AFF3: variants seen among roughly 807,000 people sequenced by gnomAD.
AFF3 encodes the protein AF4/FMR2 family member 3.
A neutral mutation model predicts 129.7 loss-of-function variants in AFF3; 32 were observed. That is an observed-to-expected ratio of 0.25 (90% CI 0.19 to 0.33). The LOEUF (loss-of-function observed/expected upper bound fraction) is 0.33. AFF3 is among the 10% of genes least tolerant of loss of function. AFF3 has a pLI of 1.00. For missense variants in AFF3, 1,373 were observed against 1,592.0 expected (o/e 0.86, Z 2.34); for synonymous variants, 644 against 635.4 (o/e 1.01, Z -0.20).
chr2:99,581,300 T>C (rs576591405), intron 17 of AFF3, among the ~76,000 whole-genome samples: 1 of 151,884 alleles, frequency 6.6e-6, no homozygotes, highest in East Asian at 1.9e-4. Flanking sequence ...TTTTGTTCCA[T>C]GTTTTTCTAA....
intron 2 of AFF3, among the ~76,000 whole-genome samples, chr2:100,108,908 CTTTT>C (rs34769933): frequency 7.7e-4 from 68 of 88,086 alleles, no homozygotes; most frequent in African/African-American, 1.1e-3. Flanking sequence ...CATTTCTTTC[CTTTT>C]TTTTTTTTTT....
intron 20 of AFF3, 94 bp downstream of exon 20, chr2:99,565,393 G>A: frequency 6.6e-7 from 1 of 1,509,840 alleles, no homozygotes; most frequent in Non-Finnish European, 9.0e-7. Flanking sequence ...CCTGGTGGGG[G>A]ATGGTGCAGG....
intron 4 of AFF3, among the ~76,000 whole-genome samples, chr2:100,079,175 T>C (rs1688841186): frequency 6.6e-6 from 1 of 152,124 alleles, no homozygotes; most frequent in Non-Finnish European, 1.5e-5. Flanking sequence ...CTTGATCTCC[T>C]GACCTCGTGA....
At chr2:99,615,388 C>G (rs1177849727) in intron 13 of AFF3, among the ~76,000 whole-genome samples, 1 of 152,252 alleles carries the variant, frequency 6.6e-6, no homozygotes, top group Non-Finnish European at 1.5e-5. Context: ...GAGACTGTGA[C>G]AAGCGGCAGC....
intron 11 of AFF3, among the ~76,000 whole-genome samples, chr2:99,687,411 C>G (rs1225926035): frequency 6.6e-6 from 1 of 152,058 alleles, no homozygotes; most frequent in African/African-American, 2.4e-5. Flanking sequence ...GAAGGAGGAC[C>G]AGTTTTATCA....
intron 7 of AFF3, among the ~76,000 whole-genome samples, chr2:99,843,218 G>A (rs1689453024): frequency 6.6e-6 from 1 of 152,196 alleles, no homozygotes; most frequent in Non-Finnish European, 1.5e-5. Flanking sequence ...CTACAACTGT[G>A]TCTCCTGCCT....
At position 99,662,701 on chromosome 2, in the gene AFF3, C is replaced by T. The variant is rs142155316; in HGVS notation, c.1143+9837G>A. ...ATAACATTGACAATACAGTTCATTT[C>T]TAATGTAGGAGAAACTTCATTTTGG... On this transcript the variant is annotated intron_variant, in intron 12 of 24. Transcript: ENST00000672756. 1.2e-3 allele frequency among the ~76,000 whole-genome samples: 182 copies of T among 152,296 alleles called. 1 individual carries two copies. The East Asian group carries it at 0.012, about 10-fold the overall frequency.
At chr2:100,025,560 T>C (rs923732146) in intron 4 of AFF3, among the ~76,000 whole-genome samples, 8 of 152,110 alleles carry the variant, frequency 5.3e-5, no homozygotes, top group African/African-American at 1.9e-4. Context: ...CTAAAATTCA[T>C]ATGGAACCAA....
chr2:99,611,774 C>G (rs535996392), intron 13 of AFF3, among the ~76,000 whole-genome samples: 1 of 151,974 alleles, frequency 6.6e-6, no homozygotes, highest in Non-Finnish European at 1.5e-5. Context: ...GTAATCCCAG[C>G]TACTTGGAAG....
rs144981625 is a variant in AFF3, at chr2:99,616,630, C to T, written c.1185-15009G>A. Among the ~76,000 whole-genome samples the T allele has an allele frequency of 2.9e-3, 442 of 152,134 alleles. 5 individuals carry two copies. The highest frequency in any genetic ancestry group is 0.01 in the African/African-American group (423 of 41,488). ...AATTAGCTGGGTGTGGTGGTGTGCA[C>T]CTGTAGTCCCAGCTACTCGGGAGGC... On this transcript the variant is annotated intron_variant, in intron 13 of 24. Transcript: ENST00000672756.
In AFF3 at chr2:99,847,872, C is replaced by A. The variant is rs111543718; in HGVS notation, c.874-10348G>T. ...CATTCTAAAGCCTCTGGGTGGGACCCAAGGTGAAGACAATCTCTCTGTATC... is the reference window on the plus strand; with the variant it reads ...CATTCTAAAGCCTCTGGGTGGGACCAAAGGTGAAGACAATCTCTCTGTATC... On this transcript the variant is annotated intron_variant, in intron 7 of 24. Transcript: ENST00000672756. 6.0e-3 allele frequency among the ~76,000 whole-genome samples: 906 copies of A among 152,212 alleles called. 10 individuals carry two copies. Among genetic ancestry groups the A allele is most frequent in the African/African-American group, 0.021 (869 of 41,544 alleles).
intron 7 of AFF3, among the ~76,000 whole-genome samples, chr2:99,896,886 C>T (rs572515101): frequency 7.2e-5 from 11 of 152,076 alleles, no homozygotes; most frequent in Admixed American, 2.6e-4. Flanking sequence ...CTGCCCGCCT[C>T]GGCCTCCCAA....
At chr2:99,601,403 C>A in intron 14 of AFF3, 32 bp downstream of exon 14, 1 of 1,554,196 alleles carries the variant, frequency 6.4e-7, no homozygotes. Flanking sequence ...CAGAAGTGGG[C>A]AGAGGAGAGG....
At chr2:100,136,266 C>G (rs1692638447) in intron 1 of AFF3, among the ~76,000 whole-genome samples, 1 of 152,080 alleles carries the variant, frequency 6.6e-6, no homozygotes, top group Non-Finnish European at 1.5e-5. Flanking sequence ...GGAGCGAATG[C>G]AGATAAAGCA....
intron 19 of AFF3, among the ~76,000 whole-genome samples, chr2:99,567,133 C>A (rs977974634): frequency 3.3e-5 from 4 of 120,982 alleles, no homozygotes; most frequent in African/African-American, 1.2e-4. Flanking sequence ...ACACCTGGCT[C>A]ATTTTTTTTT....
At position 100,007,352 on chromosome 2, in the gene AFF3, C is replaced by A; in HGVS notation, c.283G>T (p.Val95Phe). Residue 95 changes from valine (V) to phenylalanine (F), a missense_variant, in exon 6 of 25, where the codon GTT (valine) becomes TTT (phenylalanine). Val to Phe is a conservative substitution (Grantham distance 50, BLOSUM62 -1). This residue lies in a region of AFF3 where 255 missense variants were observed against 256.0 expected (regional missense o/e 1.00). Coordinates refer to ENST00000672756, the MANE Select transcript of AFF3 (RefSeq NM_001386135.1). ...GTCTGAGGAACCCCAGGTTTGGGAA[C>A]TCCAACGAGATGACTCTGATTGGAT... ...DRSNQSHLVG[V>F]PKPGVPQTPV... 6.2e-7 allele frequency: 1 copy of A among 1,614,156 alleles called. No homozygotes were observed. Among genetic ancestry groups the A allele is most frequent in the Non-Finnish European group, 8.5e-7 (1 of 1,180,002 alleles).
At chr2:99,830,337 C>T (rs1350294345) in intron 8 of AFF3, among the ~76,000 whole-genome samples, 1 of 152,152 alleles carries the variant, frequency 6.6e-6, no homozygotes, top group Admixed American at 6.5e-5. Flanking sequence ...AAGATAATTA[C>T]TTACACCATT....
At chr2:99,628,373 G>A (rs76356472) in intron 13 of AFF3, among the ~76,000 whole-genome samples, 9,247 of 151,988 alleles carry the variant, frequency 0.061, 939 homozygotes, top group African/African-American at 0.21. Flanking sequence ...TATTGTTGGT[G>A]TATAGGAATA....
At chr2:99,552,925 G>T (rs1018719151) in intron 24 of AFF3, among the ~76,000 whole-genome samples, 33 of 152,068 alleles carry the variant, frequency 2.2e-4, no homozygotes, top group Admixed American at 1.7e-3. Context: ...ACTGCTAAGC[G>T]CTTTTCTTTT....
Sources: allele counts gnomAD v4.1 joint callset (sites outside exome capture counted in the v4.1 genomes callset), GRCh38; gene constraint gnomAD v4.1.1; regional missense constraint gnomAD v4.1.1; transcripts MANE v1.5; gene names NCBI Gene and HGNC (gene_info 2026-07-23, HGNC 2026-07-21).